Variants in NASP observed in about 807,000 individuals in gnomAD.
NASP encodes NASP histone chaperone.
Under a neutral mutation model 89.5 loss-of-function variants are expected in NASP, and 24 were observed. The ratio of observed to expected loss-of-function variants is 0.27; its 90% CI spans 0.19 to 0.38. The LOEUF (loss-of-function observed/expected upper bound fraction) is 0.38, where lower values mean the gene tolerates loss of function less well. Ranked by LOEUF, NASP falls within the 10% of genes least tolerant of loss-of-function variation. The probability of loss-of-function intolerance (pLI) is 1.00; values close to 1 mark genes in which losing one functional copy is unlikely to be tolerated. For synonymous variants in NASP, 306 were observed against 324.7 expected (o/e 0.94, Z 0.62); for missense variants, 848 against 921.4 (o/e 0.92, Z 1.03).
At chr1:45,614,563 G>A (rs1027444348) in intron 9 of NASP, among the ~76,000 whole-genome samples, 197 bp downstream of exon 9, 3 of 152,162 alleles carry the variant, frequency 2.0e-5, no homozygotes, top group Middle Eastern at 3.4e-3. Context: ...TTTTGAGATG[G>A]GGTCTTGCTG....
At chr1:45,612,215 T>C (rs1487448284) in intron 6 of NASP, 4 of 152,176 alleles carry the variant, frequency 2.6e-5, no homozygotes, top group Non-Finnish European at 4.4e-5. Flanking sequence ...CGGAATCTCT[T>C]TGTGGTTGCT....
At chr1:45,613,376 C>T (rs1004483129) in intron 7 of NASP, 128 bp downstream of exon 7, 6 of 1,077,406 alleles carry the variant, frequency 5.6e-6, no homozygotes, top group Admixed American at 3.4e-5. Flanking sequence ...AGCCTAGACC[C>T]GGGCTTAAGT....
chr1:45,608,283 A>C lies in NASP; in HGVS notation c.1372A>C (p.Ile458Leu), dbSNP rs762366749. 6.2e-7 allele frequency: 1 copy of C among 1,613,488 alleles called. No individual in the cohort carries two copies. Among genetic ancestry groups the C allele is most frequent in the Non-Finnish European group, 8.5e-7 (1 of 1,179,656 alleles). ...GAAATCACCTGAAGACAAAGTTCAGATAGCTGCTAATGAAGAGACACAAGA... is the reference window on the plus strand; with the variant it reads ...GAAATCACCTGAAGACAAAGTTCAGCTAGCTGCTAATGAAGAGACACAAGA... ...TEKSPEDKVQ[I>L]AANEETQERE... Residue 458 changes from isoleucine (I) to leucine (L), a missense_variant, in exon 6 of 15, where the codon ATA becomes CTA. By Grantham distance (5) the Ile-to-Leu change is conservative. Coordinates refer to ENST00000350030, the MANE Select transcript of NASP (RefSeq NM_002482.4).
chr1:45,584,289 C>T (rs1056138160), intron 1 of NASP, 84 bp downstream of exon 1: 1 of 1,333,596 alleles, frequency 7.5e-7, no homozygotes, highest in Non-Finnish European at 1.0e-6. Context: ...AGGGGCAGAC[C>T]GGTGGGCGGG....
intron 2 of NASP, among the ~76,000 whole-genome samples, chr1:45,597,735 C>T (rs1643734519): frequency 6.6e-6 from 1 of 152,132 alleles, no homozygotes; most frequent in Non-Finnish European, 1.5e-5. Context: ...AGGATCCTGA[C>T]ATCATAGTTT....
At position 45,602,242 on chromosome 1, in the gene NASP, C is replaced by A. The variant is rs1210834954; in HGVS notation, c.108-13C>A. 2 of 1,603,770 alleles carry A rather than the reference C, an allele frequency of 1.2e-6. No individual in the cohort carries two copies. Among genetic ancestry groups the A allele is most frequent in the Non-Finnish European group, 8.5e-7 (1 of 1,175,848 alleles). On this transcript the variant is annotated splice_polypyrimidine_tract_variant and intron_variant, in intron 2 of 14. Coordinates refer to ENST00000350030, the MANE Select transcript of NASP (RefSeq NM_002482.4). The stretch of plus-strand genomic sequence containing the variant: ...AACAGTACTTGACACTAGAAAAAAT[C>A]TTTTTTTTGCAGTCTGGATGTGGAT...
At chr1:45,588,597 C>G in intron 1 of NASP, 1 of 451,500 alleles carries the variant, frequency 2.2e-6, no homozygotes, top group Non-Finnish European at 4.4e-6. Context: ...CTATCTTTGA[C>G]TATTCGATGG....
chr1:45,588,558 A>G, intron 1 of NASP: 1 of 429,446 alleles, frequency 2.3e-6, no homozygotes, highest in South Asian at 1.6e-5. Flanking sequence ...TCTGTTAGCA[A>G]TGTATGGGAG....
intron 14 of NASP, 57 bp downstream of exon 14, chr1:45,617,648 G>A: frequency 6.6e-7 from 1 of 1,520,092 alleles, no homozygotes; most frequent in Non-Finnish European, 8.8e-7. Flanking sequence ...CAGGACCTGG[G>A]GAAATCAGTC....
chr1:45,610,495 C>G (rs1365145530), intron 6 of NASP: 1 of 152,210 alleles, frequency 6.6e-6, no homozygotes, highest in Non-Finnish European at 1.5e-5. Flanking sequence ...CAGAAAACTT[C>G]CAAGCAGTTT....
intron 1 of NASP, among the ~76,000 whole-genome samples, chr1:45,586,272 GTGTGTGTGTGTGGTGT>G (rs1240918709): frequency 2.8e-4 from 21 of 74,964 alleles, no homozygotes; most frequent in Admixed American, 1.7e-3. Flanking sequence ...GTGTGTGTGT[GTGTGTGTGTGTGGTGT>G]GTGTGTGTGT....
intron 6 of NASP, chr1:45,612,485 G>A (rs1395697884): frequency 1.3e-5 from 2 of 152,194 alleles, no homozygotes; most frequent in African/African-American, 4.8e-5. Flanking sequence ...CCTTTAGATG[G>A]TTGACTTGTG....
chr1:45,586,286 T>TGTGGG (rs1557646540), intron 1 of NASP, among the ~76,000 whole-genome samples: 10 of 88,338 alleles, frequency 1.1e-4, no homozygotes, highest in African/African-American at 3.7e-4. Context: ...GTGTGTGTGG[T>TGTGGG]GTGTGTGTGT....
chr1:45,597,978 G>C (rs1643740908), intron 2 of NASP, among the ~76,000 whole-genome samples: 1 of 152,114 alleles, frequency 6.6e-6, no homozygotes, highest in South Asian at 2.1e-4. Context: ...TGTGAAAGGT[G>C]TCCACTCTGT....
At chr1:45,586,646 A>G (rs1644555869) in intron 1 of NASP, among the ~76,000 whole-genome samples, 3 of 152,104 alleles carry the variant, frequency 2.0e-5, no homozygotes, top group South Asian at 2.1e-4. Context: ...GTGAGAGAAC[A>G]TGAAAGCAGT....
In NASP at chr1:45,599,953, A is replaced by ATTTTTT. The variant is rs11302173; in HGVS notation, c.108-2285_108-2280dup. Among the ~76,000 whole-genome samples the ATTTTTT allele has an allele frequency of 3.5e-4, 28 of 79,070 alleles. 1 individual carries two copies. Among genetic ancestry groups the ATTTTTT allele is most frequent in the African/African-American group, 7.1e-4 (14 of 19,754 alleles). The allele number at this position is 79,070 out of a possible 152,430, so 51.9% of individuals were successfully genotyped here. A position where few individuals can be genotyped will look rare whatever the true frequency, so the allele number is the denominator to read the frequency against. On this transcript the variant is annotated intron_variant, in intron 2 of 14. Coordinates refer to ENST00000350030, the MANE Select transcript of NASP (RefSeq NM_002482.4). ...CTGTCCTAGAGTGCTTTTCCTCTGT[A>ATTTTTT]TTTTTTTTTTTTTTTTTTTTTTGGC... is the stretch of plus-strand genomic sequence containing the variant.
chr1:45,613,747 C>A (rs1457632079), intron 7 of NASP, among the ~76,000 whole-genome samples: 3 of 152,140 alleles, frequency 2.0e-5, no homozygotes, highest in Non-Finnish European at 2.9e-5. Flanking sequence ...CTCAGCCTCC[C>A]AAAGTGTTGG....
chr1:45,617,964 T>A, intron 14 of NASP, 97 bp from the exon 15 acceptor site: 2 of 1,071,272 alleles, frequency 1.9e-6, no homozygotes, highest in Middle Eastern at 2.0e-4. Context: ...AGAGTTTGGG[T>A]GACTTGTATA....
intron 2 of NASP, among the ~76,000 whole-genome samples, chr1:45,599,921 A>G (rs998362534): frequency 2.4e-5 from 3 of 125,616 alleles, no homozygotes; most frequent in Admixed American, 1.6e-4. Context: ...TGAACTTACT[A>G]TTGCCTCTGT....
Sources: gnomAD v4.1 joint callset for allele counts (sites outside exome capture counted in the v4.1 genomes callset) on GRCh38, gnomAD v4.1.1 for gene constraint, MANE v1.5 for transcripts, NCBI Gene and HGNC (gene_info 2026-07-23, HGNC 2026-07-21) for gene names.